The following NELL1 variants were observed in gnomAD, a reference collection of about 807,000 sequenced individuals.
The protein encoded by NELL1 is neural EGFL like 1, also known as protein kinase C-binding protein NELL1.
A neutral mutation model predicts 107.4 loss-of-function variants in NELL1; 76 were observed. That is an observed-to-expected ratio of 0.71 (90% CI 0.59 to 0.86). The LOEUF is 0.86. Among genes scored for constraint, NELL1 ranks in the 40% least tolerant of loss-of-function variants. The probability of loss-of-function intolerance (pLI) is 0.00; values close to 1 mark genes in which losing one functional copy is unlikely to be tolerated. For missense variants in NELL1, 1,024 were observed against 1,005.5 expected (o/e 1.02, Z -0.25); for synonymous variants, 353 against 341.2 (o/e 1.03, Z -0.38).
chr11:21,145,915 C>G (rs1193907749), intron 13 of NELL1, among the ~76,000 whole-genome samples: 2 of 152,090 alleles, frequency 1.3e-5, no homozygotes, highest in African/African-American at 4.8e-5. Flanking sequence ...TATGTCTTTC[C>G]CTCATTCTAT....
chr11:20,755,290 T>C (rs745791482), intron 2 of NELL1, among the ~76,000 whole-genome samples: 3 of 152,090 alleles, frequency 2.0e-5, no homozygotes, highest in African/African-American at 7.2e-5. Context: ...CTGGATCCAG[T>C]TGTAGTCGCC....
At chr11:20,782,342 G>A in intron 2 of NELL1, among the ~76,000 whole-genome samples, 1 of 152,294 alleles carries the variant, frequency 6.6e-6, no homozygotes, top group East Asian at 1.9e-4. Context: ...CTCCATGGTG[G>A]AGGACAAACA....
intron 12 of NELL1, among the ~76,000 whole-genome samples, chr11:20,973,101 C>CTTTTTTTTT (rs761894107): frequency 1.1e-4 from 10 of 92,500 alleles, no homozygotes; most frequent in African/African-American, 1.7e-4. Context: ...ATCTTCATTA[C>CTTTTTTTTT]TTTTTTTTTT....
chr11:21,237,017 T>C (rs1054457918), intron 14 of NELL1, among the ~76,000 whole-genome samples: 2 of 152,172 alleles, frequency 1.3e-5, no homozygotes, highest in Non-Finnish European at 2.9e-5. Context: ...TGATCTTTAC[T>C]GATATATTGG....
rs544449681 is a variant in NELL1, at chr11:21,573,079, A to C, written c.2158-106A>C. ...TTATCCTCAATGGTGTCAACTAGAA[A>C]TATTCAGTGATGAGAATTACTGTGC... On this transcript the variant is annotated intron_variant, in intron 18 of 19. Transcript: ENST00000357134. 445 of 815,796 alleles carry C rather than the reference A, an allele frequency of 5.5e-4. 2 individuals carry two copies. The highest frequency in any genetic ancestry group is 3.1e-3 in the Middle Eastern group (11 of 3,494). The allele number at this position is 815,796 out of a possible 1,614,324, so 50.5% of individuals were successfully genotyped here. A position where few individuals can be genotyped will look rare whatever the true frequency, so the allele number is the denominator to read the frequency against.
intron 2 of NELL1, among the ~76,000 whole-genome samples, chr11:20,710,205 A>T: frequency 6.6e-6 from 1 of 152,118 alleles, no homozygotes; most frequent in East Asian, 1.9e-4. Flanking sequence ...GAAGGCTTTT[A>T]TTACCTTGAG....
At chr11:21,528,254 T>G (rs1488003951) in intron 15 of NELL1, among the ~76,000 whole-genome samples, 1 of 152,174 alleles carries the variant, frequency 6.6e-6, no homozygotes, top group African/African-American at 2.4e-5. Context: ...ATGGCATAGG[T>G]AATTGCTGTG....
intron 14 of NELL1, among the ~76,000 whole-genome samples, chr11:21,335,589 G>A (rs1449499442): frequency 4.6e-5 from 7 of 151,964 alleles, no homozygotes; most frequent in Non-Finnish European, 8.8e-5. Flanking sequence ...CCTTCACAGG[G>A]GATCTTTCAG....
chr11:21,268,983 A>T (rs567180498), intron 14 of NELL1, among the ~76,000 whole-genome samples: 181 of 152,320 alleles, frequency 1.2e-3, no homozygotes, highest in African/African-American at 4.0e-3. Flanking sequence ...GAAATGCTAC[A>T]GAAGAAAAAA....
At chr11:21,414,964 C>G (rs1189750377) in intron 15 of NELL1, among the ~76,000 whole-genome samples, 1 of 151,900 alleles carries the variant, frequency 6.6e-6, no homozygotes, top group Non-Finnish European at 1.5e-5. Context: ...AGATGCACCC[C>G]CCTCCCTCCC....
At chr11:21,475,725 A>G (rs1227728829) in intron 15 of NELL1, among the ~76,000 whole-genome samples, 1 of 152,214 alleles carries the variant, frequency 6.6e-6, no homozygotes, top group Non-Finnish European at 1.5e-5. Context: ...TTACTGGTGA[A>G]ATCCATTGAA....
At chr11:21,216,493 G>C (rs575001554) in intron 13 of NELL1, among the ~76,000 whole-genome samples, 120 of 152,326 alleles carry the variant, frequency 7.9e-4, no homozygotes, top group African/African-American at 2.6e-3. Context: ...CATGAAAGCA[G>C]CTGGGAGAGG....
intron 9 of NELL1, among the ~76,000 whole-genome samples, chr11:20,935,242 G>A (rs1033565401): frequency 6.6e-6 from 1 of 152,096 alleles, no homozygotes; most frequent in African/African-American, 2.4e-5. Context: ...GTTGGGATTA[G>A]GTTCAAAGTA....
chr11:21,146,265 A>T (rs1046068592), intron 13 of NELL1, among the ~76,000 whole-genome samples: 6 of 145,036 alleles, frequency 4.1e-5, no homozygotes, highest in African/African-American at 1.5e-4. Flanking sequence ...AGTTAAAAAA[A>T]AAAATGACCA....
chr11:20,817,341 C>T (rs1254465343), intron 3 of NELL1, among the ~76,000 whole-genome samples: 7 of 152,216 alleles, frequency 4.6e-5, no homozygotes, highest in Non-Finnish European at 7.4e-5. Context: ...TTCAGGATTT[C>T]AATTTCTTCC....
At chr11:21,437,587 G>A (rs572385236) in intron 15 of NELL1, among the ~76,000 whole-genome samples, 3 of 152,132 alleles carry the variant, frequency 2.0e-5, no homozygotes, top group Non-Finnish European at 2.9e-5. Flanking sequence ...TCGAACTCCC[G>A]ACCTCAATTG....
At chr11:20,844,782 C>T (rs1393796807) in intron 3 of NELL1, among the ~76,000 whole-genome samples, 1 of 152,204 alleles carries the variant, frequency 6.6e-6, no homozygotes, top group Admixed American at 6.5e-5. Context: ...TGTTGGAATA[C>T]AGATTCTGCT....
chr11:21,388,308 T>C (rs1429265055), intron 15 of NELL1, among the ~76,000 whole-genome samples: 1 of 151,776 alleles, frequency 6.6e-6, no homozygotes, highest in Non-Finnish European at 1.5e-5. Context: ...TTGATCAAGT[T>C]ATATAACTTC....
intron 15 of NELL1, among the ~76,000 whole-genome samples, chr11:21,388,943 C>G (rs1176453783): frequency 4.0e-5 from 6 of 151,750 alleles, no homozygotes; most frequent in Non-Finnish European, 8.8e-5. Context: ...ACACTGTCAT[C>G]TTTCTTTTTT....
Sources: allele counts gnomAD v4.1 joint callset (sites outside exome capture counted in the v4.1 genomes callset), GRCh38; gene constraint gnomAD v4.1.1; transcripts MANE v1.5; gene names NCBI Gene and HGNC (gene_info 2026-07-23, HGNC 2026-07-21).